CNTNAP2: variants seen among roughly 807,000 people sequenced by gnomAD.
The protein encoded by CNTNAP2 is contactin-associated protein-like 2.
A neutral mutation model predicts 155.2 loss-of-function variants in CNTNAP2; 98 were observed. The observed-to-expected ratio is 0.63, with a 90% CI of 0.54 to 0.75. The LOEUF is 0.75. Among genes scored for constraint, CNTNAP2 ranks in the 30% least tolerant of loss-of-function variants. The pLI, the probability that CNTNAP2 is intolerant of heterozygous loss-of-function variation, is 0.00. For missense variants in CNTNAP2, 1,727 were observed against 1,688.1 expected, an observed-to-expected ratio of 1.02 and a Z score of -0.40; for synonymous variants, 651 against 631.2, an observed-to-expected ratio of 1.03 and a Z score of -0.47.
chr7:146,278,725 T>C (rs1800203118), intron 1 of CNTNAP2, among the ~76,000 whole-genome samples: 1 of 152,134 alleles, frequency 6.6e-6, no homozygotes, highest in Non-Finnish European at 1.5e-5. Flanking sequence ...ATTAACCTTA[T>C]TTTGTAGTGA....
intron 4 of CNTNAP2, chr7:147,097,547 A>G (rs897798290): frequency 6.6e-6 from 1 of 152,232 alleles, no homozygotes; most frequent in Non-Finnish European, 1.5e-5. Flanking sequence ...CCTTTATCAA[A>G]CCATCAGACG....
At chr7:146,817,606 A>T (rs1803198707) in intron 2 of CNTNAP2, among the ~76,000 whole-genome samples, 1 of 152,196 alleles carries the variant, frequency 6.6e-6, no homozygotes, top group Admixed American at 6.5e-5. Context: ...GGACACTTAC[A>T]ATCATGGAAG....
chr7:146,401,235 G>T (rs2129108427), intron 1 of CNTNAP2, among the ~76,000 whole-genome samples: 1 of 152,224 alleles, frequency 6.6e-6, no homozygotes, highest in East Asian at 1.9e-4. Context: ...TAGAATAAAA[G>T]GGCTGAGGAT....
At chr7:147,045,588 G>C (rs903995897) in intron 4 of CNTNAP2, among the ~76,000 whole-genome samples, 2 of 152,046 alleles carry the variant, frequency 1.3e-5, no homozygotes, top group Non-Finnish European at 2.9e-5. Context: ...CTCTTTAAAA[G>C]GAAAATTTAG....
At chr7:147,431,045 C>T (rs1482881646) in intron 10 of CNTNAP2, among the ~76,000 whole-genome samples, 1 of 130,026 alleles carries the variant, frequency 7.7e-6, no homozygotes, top group Non-Finnish European at 1.7e-5. Flanking sequence ...AGTGAGACTC[C>T]ATCTCAAAAA....
intron 10 of CNTNAP2, among the ~76,000 whole-genome samples, chr7:147,459,106 C>T (rs994042364): frequency 6.6e-6 from 1 of 152,228 alleles, no homozygotes; most frequent in African/African-American, 2.4e-5. Context: ...ATGGTAGCCT[C>T]TAGCCACACA....
intron 21 of CNTNAP2, among the ~76,000 whole-genome samples, chr7:148,293,878 T>C (rs1056792159): frequency 2.0e-5 from 3 of 151,458 alleles, no homozygotes; most frequent in African/African-American, 4.9e-5. Context: ...CTACTAAAAA[T>C]ATGGAAATTA....
intron 18 of CNTNAP2, among the ~76,000 whole-genome samples, chr7:148,206,881 G>A (rs1341243728): frequency 6.6e-6 from 1 of 152,056 alleles, no homozygotes; most frequent in African/African-American, 2.4e-5. Flanking sequence ...ATTTTGTCAG[G>A]ATCCAACTCA....
chr7:147,815,792 G>T (rs764023655), intron 13 of CNTNAP2, among the ~76,000 whole-genome samples: 5 of 152,192 alleles, frequency 3.3e-5, no homozygotes, highest in African/African-American at 4.8e-5. Context: ...TCCACGAATA[G>T]CTTGTATGCA....
chr7:148,304,199 G>T (rs1110144), intron 21 of CNTNAP2, among the ~76,000 whole-genome samples: 1 of 152,044 alleles, frequency 6.6e-6, no homozygotes, highest in Admixed American at 6.5e-5. Context: ...TGTAAGCAAA[G>T]AAATTGTCCA....
intron 2 of CNTNAP2, among the ~76,000 whole-genome samples, chr7:146,797,093 G>T (rs946668863): frequency 1.3e-5 from 2 of 152,076 alleles, no homozygotes; most frequent in African/African-American, 4.8e-5. Flanking sequence ...CCAAGATCGC[G>T]CTACTGCACT....
At chr7:146,215,336 T>C (rs935344782) in intron 1 of CNTNAP2, among the ~76,000 whole-genome samples, 4 of 152,274 alleles carry the variant, frequency 2.6e-5, no homozygotes, top group South Asian at 2.1e-4. Context: ...AAGGTAAACA[T>C]CATTTCTTAT....
At chr7:146,466,992 T>G (rs2129125837) in intron 1 of CNTNAP2, among the ~76,000 whole-genome samples, 1 of 152,298 alleles carries the variant, frequency 6.6e-6, no homozygotes, top group Non-Finnish European at 1.5e-5. Context: ...TTCAATGTAC[T>G]TTTATCTTGT....
At chr7:147,074,880 G>T (rs1188657318) in intron 4 of CNTNAP2, among the ~76,000 whole-genome samples, 1 of 152,096 alleles carries the variant, frequency 6.6e-6, no homozygotes, top group Non-Finnish European at 1.5e-5. Context: ...GCTGTGCTTG[G>T]CATATCTAAT....
At chr7:147,787,310 C>T (rs1563089080) in intron 13 of CNTNAP2, among the ~76,000 whole-genome samples, 2 of 152,162 alleles carry the variant, frequency 1.3e-5, no homozygotes, top group Non-Finnish European at 2.9e-5. Context: ...GCTTCAGTAT[C>T]AGCCAGGTAC....
At chr7:146,842,787 G>A (rs1803758315) in intron 3 of CNTNAP2, among the ~76,000 whole-genome samples, 2 of 151,768 alleles carry the variant, frequency 1.3e-5, no homozygotes, top group South Asian at 2.1e-4. Flanking sequence ...CCGGTTTCAC[G>A]CCATTCTCCT....
chr7:147,927,716 C>A (rs537990729), intron 14 of CNTNAP2, among the ~76,000 whole-genome samples: 11 of 152,242 alleles, frequency 7.2e-5, no homozygotes, highest in South Asian at 2.1e-4. Context: ...CAGAAAAGTT[C>A]TTTCTCAATT....
At chr7:148,206,153 T>C (rs1428218126) in intron 18 of CNTNAP2, among the ~76,000 whole-genome samples, 1 of 150,168 alleles carries the variant, frequency 6.7e-6, no homozygotes, top group East Asian at 1.9e-4. Flanking sequence ...GTATTAATGT[T>C]GGTTTCCTGA....
intron 8 of CNTNAP2, among the ~76,000 whole-genome samples, chr7:147,140,282 T>C (rs1801566221): frequency 6.6e-6 from 1 of 152,026 alleles, no homozygotes; most frequent in Admixed American, 6.6e-5. Context: ...TCTCTATTGC[T>C]GAACCTCTGT....
Sources: gnomAD v4.1 joint callset for allele counts (sites outside exome capture counted in the v4.1 genomes callset) on GRCh38, gnomAD v4.1.1 for gene constraint, MANE v1.5 for transcripts, NCBI Gene and HGNC (gene_info 2026-07-23, HGNC 2026-07-21) for gene names.